Variants in ATG10 observed in about 807,000 individuals in gnomAD.
ATG10 encodes the protein ubiquitin-like-conjugating enzyme ATG10.
A neutral mutation model predicts 32.1 loss-of-function variants in ATG10; 30 were observed. The observed-to-expected ratio is 0.94, with a 90% CI of 0.70 to 1.27. ATG10 has a LOEUF of 1.27. Among genes scored for constraint, ATG10 ranks in the 50% most tolerant of loss-of-function variants. The probability of loss-of-function intolerance (pLI) is 0.00; values close to 1 mark genes in which losing one functional copy is unlikely to be tolerated. For synonymous variants in ATG10, 87 were observed against 91.5 expected (o/e 0.95, Z 0.28); for missense variants, 233 against 262.3 (o/e 0.89, Z 0.77).
At chr5:82,073,973 T>G (rs2149771523) in intron 3 of ATG10, among the ~76,000 whole-genome samples, 1 of 152,312 alleles carries the variant, frequency 6.6e-6, no homozygotes, top group East Asian at 1.9e-4. Context: ...AAAACTGGTT[T>G]TGAAATTCTG....
At chr5:82,099,295 A>G (rs1422450456) in intron 3 of ATG10, among the ~76,000 whole-genome samples, 1 of 152,202 alleles carries the variant, frequency 6.6e-6, no homozygotes, top group African/African-American at 2.4e-5. Context: ...AAACATATTG[A>G]ATAATTAAAA....
chr5:82,114,993 A>C (rs1430911791), intron 3 of ATG10, among the ~76,000 whole-genome samples: 3 of 152,074 alleles, frequency 2.0e-5, no homozygotes, highest in Non-Finnish European at 4.4e-5. Context: ...AATGTTATTC[A>C]GTTTTAATTA....
At chr5:82,167,007 A>G (rs1273172711) in intron 4 of ATG10, among the ~76,000 whole-genome samples, 2 of 152,154 alleles carry the variant, frequency 1.3e-5, no homozygotes, top group Non-Finnish European at 2.9e-5. Context: ...TTAAATTTAC[A>G]TTACCCTTTC....
chr5:82,089,848 C>CA (rs1164038151), intron 3 of ATG10, among the ~76,000 whole-genome samples: 1 of 150,858 alleles, frequency 6.6e-6, no homozygotes. Flanking sequence ...ACCACATATC[C>CA]AAAAAAAGGA....
chr5:82,123,890 T>G (rs1454914121), intron 3 of ATG10, among the ~76,000 whole-genome samples: 8 of 151,880 alleles, frequency 5.3e-5, no homozygotes, highest in Non-Finnish European at 1.2e-4. Context: ...TAGCTGTGAT[T>G]GCACCACTGC....
At chr5:81,993,360 C>CTTTCTTTCTTTCTTTCTTTCTT in intron 2 of ATG10, among the ~76,000 whole-genome samples, 7 of 46,764 alleles carry the variant, frequency 1.5e-4, no homozygotes, top group African/African-American at 6.4e-4. Flanking sequence ...TCTTTCTTTC[C>CTTTCTTTCTTTCTTTCTTTCTT]TTCTTTTCTT....
At chr5:82,095,167 A>G (rs771346360) in intron 3 of ATG10, among the ~76,000 whole-genome samples, 15 of 152,204 alleles carry the variant, frequency 9.9e-5, no homozygotes, top group Non-Finnish European at 2.2e-4. Context: ...TAGAAACTAG[A>G]TTATAAAATG....
chr5:82,167,584 T>G (rs912862150), intron 4 of ATG10, among the ~76,000 whole-genome samples: 1 of 152,186 alleles, frequency 6.6e-6, no homozygotes, highest in African/African-American at 2.4e-5. Flanking sequence ...ACCCAAACCA[T>G]CTATGTATCT....
intron 1 of ATG10, among the ~76,000 whole-genome samples, chr5:81,974,073 C>T (rs1760804439): frequency 6.6e-6 from 1 of 152,044 alleles, no homozygotes; most frequent in South Asian, 2.1e-4. Context: ...TAAAGCAGCC[C>T]TTTAGGAAAA....
At chr5:82,063,396 G>T (rs548967145) in intron 3 of ATG10, among the ~76,000 whole-genome samples, 1 of 152,194 alleles carries the variant, frequency 6.6e-6, no homozygotes, top group South Asian at 2.1e-4. Flanking sequence ...GTACATTTGT[G>T]ATACCAGTAG....
At chr5:82,201,853 TTTCC>T (rs1202903297) in intron 5 of ATG10, among the ~76,000 whole-genome samples, 1 of 152,246 alleles carries the variant, frequency 6.6e-6, no homozygotes, top group Non-Finnish European at 1.5e-5. Flanking sequence ...CCTGTATACA[TTTCC>T]TTAAATTTTT....
At position 82,100,000 on chromosome 5, in the gene ATG10, G is replaced by GTTTTTTTTT. The variant is rs869311526; in HGVS notation, c.216+41416_216+41424dup. ...CTGATTTCTTTCTTTCTTTTTCTGT[G>GTTTTTTTTT]TTTTTTTTTTTTTTTTTTTTTTTTT... On this transcript the variant is annotated intron_variant, in intron 3 of 7. Transcript: ENST00000282185. Among the ~76,000 whole-genome samples the GTTTTTTTTT allele has an allele frequency of 8.1e-4, 48 of 58,954 alleles. 4 individuals carry two copies. Among genetic ancestry groups the GTTTTTTTTT allele is most frequent in the Non-Finnish European group, 1.2e-3 (37 of 32,142 alleles). 38.7% of individuals were successfully genotyped at this position (58,954 alleles called of 152,430 possible). A position where few individuals can be genotyped will look rare whatever the true frequency, so the allele number is the denominator to read the frequency against.
intron 1 of ATG10, among the ~76,000 whole-genome samples, chr5:81,980,476 A>C (rs2149655346): frequency 6.6e-6 from 1 of 152,148 alleles, no homozygotes; most frequent in South Asian, 2.1e-4. Context: ...AAGCTGGAGG[A>C]ATCTTCCTCT....
intron 3 of ATG10, among the ~76,000 whole-genome samples, chr5:82,098,270 C>T (rs1365714136): frequency 6.8e-6 from 1 of 147,716 alleles, no homozygotes; most frequent in Non-Finnish European, 1.5e-5. Flanking sequence ...TTTAATTGAA[C>T]TTAGCTTTAA....
chr5:82,207,731 A>G (rs988584242), intron 5 of ATG10, among the ~76,000 whole-genome samples: 3 of 152,216 alleles, frequency 2.0e-5, no homozygotes, highest in Admixed American at 1.3e-4. Flanking sequence ...GTTCATGTCC[A>G]ATGCTGTCCA....
chr5:81,984,316 A>T (rs1561238899), intron 1 of ATG10, among the ~76,000 whole-genome samples: 1 of 152,248 alleles, frequency 6.6e-6, no homozygotes, highest in Non-Finnish European at 1.5e-5. Flanking sequence ...AATCGCAGGC[A>T]CTCCGCAGGC....
chr5:81,988,798 CACTT>C (rs1396425492), intron 2 of ATG10, among the ~76,000 whole-genome samples: 9 of 152,308 alleles, frequency 5.9e-5, no homozygotes, highest in African/African-American at 1.9e-4. Flanking sequence ...CTTATTTCCA[CACTT>C]AGAGTTAGTT....
chr5:82,181,663 A>G (rs1272013340), intron 5 of ATG10, among the ~76,000 whole-genome samples: 3 of 152,128 alleles, frequency 2.0e-5, no homozygotes, highest in Non-Finnish European at 4.4e-5. Flanking sequence ...TGCGGACTGA[A>G]CATGATAATA....
intron 2 of ATG10, among the ~76,000 whole-genome samples, chr5:82,013,970 C>T (rs1762204219): frequency 6.6e-6 from 1 of 152,112 alleles, no homozygotes; most frequent in Non-Finnish European, 1.5e-5. Context: ...GCATTTAGTG[C>T]TATAAATTTC....
Sources: gnomAD v4.1 joint callset for allele counts (sites outside exome capture counted in the v4.1 genomes callset) on GRCh38, gnomAD v4.1.1 for gene constraint, MANE v1.5 for transcripts, NCBI Gene and HGNC (gene_info 2026-07-23, HGNC 2026-07-21) for gene names.